The following CHD9 variants were observed in gnomAD, a reference collection of about 807,000 sequenced individuals.
CHD9 encodes ATP-dependent chromatin remodeler CHD9.
CHD9 carries 77 observed loss-of-function variants against 316.1 expected under a neutral mutation model. The ratio of observed to expected loss-of-function variants is 0.24; its 90% CI spans 0.20 to 0.29. The LOEUF (loss-of-function observed/expected upper bound fraction) is 0.29. Ranked by LOEUF, CHD9 falls within the 10% of genes least tolerant of loss-of-function variation. The pLI, the probability that CHD9 is intolerant of heterozygous loss-of-function variation, is 1.00. For missense variants in CHD9, 2,763 were observed against 3,438.1 expected (o/e 0.80, Z 4.91); for synonymous variants, 1,129 against 1,158.3 (o/e 0.97, Z 0.51).
At chr16:53,127,346 A>G (rs1182260096) in intron 1 of CHD9, among the ~76,000 whole-genome samples, 4 of 152,232 alleles carry the variant, frequency 2.6e-5, no homozygotes, top group Non-Finnish European at 4.4e-5. Context: ...ACTTGCAGGA[A>G]AACTCCACAA....
chr16:53,154,374 A>G (rs182970356), intron 1 of CHD9, among the ~76,000 whole-genome samples: 19 of 152,320 alleles, frequency 1.2e-4, no homozygotes, highest in Non-Finnish European at 2.5e-4. Context: ...GCAATGTATC[A>G]CTTAATCATT....
intron 2 of CHD9, among the ~76,000 whole-genome samples, chr16:53,167,352 T>G (rs1366575852): frequency 2.0e-5 from 3 of 152,164 alleles, no homozygotes; most frequent in African/African-American, 7.2e-5. Flanking sequence ...TGTTCAGTAT[T>G]TATTAGATGT....
chr16:53,194,274 T>C (rs2044709857), intron 2 of CHD9, among the ~76,000 whole-genome samples: 1 of 150,856 alleles, frequency 6.6e-6, no homozygotes. Context: ...TCAGCATCAC[T>C]AGAATATAAA....
intron 1 of CHD9, among the ~76,000 whole-genome samples, chr16:53,100,967 T>A (rs902539026): frequency 1.3e-5 from 2 of 152,232 alleles, no homozygotes; most frequent in African/African-American, 4.8e-5. Flanking sequence ...ATATTTTCTC[T>A]AGATGGCTAT....
At chr16:53,132,108 G>C (rs1356158222) in intron 1 of CHD9, among the ~76,000 whole-genome samples, 1 of 151,948 alleles carries the variant, frequency 6.6e-6, no homozygotes, top group Non-Finnish European at 1.5e-5. Flanking sequence ...TTTTTTTTGG[G>C]GGGGGTGGTT....
intron 2 of CHD9, among the ~76,000 whole-genome samples, chr16:53,204,761 G>T (rs981650900): frequency 6.6e-6 from 1 of 151,848 alleles, no homozygotes; most frequent in African/African-American, 2.4e-5. Context: ...ATCATCTCTT[G>T]TACTATAGGT....
In CHD9 at chr16:53,307,891, A is replaced by G. The variant is rs61747411; in HGVS notation, c.6991A>G (p.Thr2331Ala). The G allele has an allele frequency of 0.035, 56,869 of 1,613,570 alleles. 1,230 individuals carry two copies. The highest frequency in any genetic ancestry group is 0.04 in the Non-Finnish European group (47,300 of 1,179,678). ...TGTTAAAGAAGAACATGATCAGTCAACACAGATGTCAAAGGTGAAGAAGCA... is the reference window on the plus strand; with the variant it reads ...TGTTAAAGAAGAACATGATCAGTCAGCACAGATGTCAAAGGTGAAGAAGCA... ...AGVKEEHDQS[T>A]QMSKVKKHVR... Residue 2331 changes from threonine to alanine, a missense_variant, in exon 33 of 39, where the codon ACA becomes GCA. Around this residue, in one of 15 missense-constraint regions of CHD9, gnomAD observed 663 missense variants for 751.2 expected, o/e 0.88. Coordinates refer to ENST00000447540, the MANE Select transcript of CHD9 (RefSeq NM_001308319.2).
intron 1 of CHD9, among the ~76,000 whole-genome samples, chr16:53,130,381 A>G (rs2152677333): frequency 6.6e-6 from 1 of 152,026 alleles, no homozygotes; most frequent in Non-Finnish European, 1.5e-5. Context: ...GAGCTGCCCG[A>G]GAGATGCCCT....
At chr16:53,233,625 C>T (rs2048368011) in intron 10 of CHD9, among the ~76,000 whole-genome samples, 2 of 152,092 alleles carry the variant, frequency 1.3e-5, no homozygotes, top group African/African-American at 2.4e-5. Context: ...CTCCTCCCCT[C>T]CTTCCTTTCT....
chr16:53,208,289 A>G (rs1180192978), intron 2 of CHD9: 23 of 1,272,650 alleles, frequency 1.8e-5, no homozygotes, highest in Admixed American at 2.4e-5. Flanking sequence ...GTGAAAAAGC[A>G]GAGGGCAAGC....
intron 1 of CHD9, among the ~76,000 whole-genome samples, chr16:53,094,373 C>A (rs1180899562): frequency 3.9e-5 from 6 of 152,134 alleles, no homozygotes; most frequent in Admixed American, 3.9e-4. Flanking sequence ...GGAGAGGACA[C>A]CAAGGGCCAG....
chr16:53,193,044 A>G (rs1183929028), intron 2 of CHD9, among the ~76,000 whole-genome samples: 1 of 152,138 alleles, frequency 6.6e-6, no homozygotes. Flanking sequence ...TTATAAAAAA[A>G]TACTAAACTG....
chr16:53,111,047 G>A (rs1189395513), intron 1 of CHD9, among the ~76,000 whole-genome samples: 1 of 152,176 alleles, frequency 6.6e-6, no homozygotes, highest in Non-Finnish European at 1.5e-5. Flanking sequence ...AGATTATTGT[G>A]GAGTAATGTC....
At chr16:53,068,586 C>T (rs1031710599) in intron 1 of CHD9, among the ~76,000 whole-genome samples, 7 of 152,204 alleles carry the variant, frequency 4.6e-5, no homozygotes, top group African/African-American at 1.4e-4. Flanking sequence ...GAAGTCCTCT[C>T]TCCTCCTGGG....
At chr16:53,195,597 T>C (rs1170457701) in intron 2 of CHD9, among the ~76,000 whole-genome samples, 1 of 152,074 alleles carries the variant, frequency 6.6e-6, no homozygotes, top group Non-Finnish European at 1.5e-5. Flanking sequence ...ACTGTAGAAC[T>C]CCAGCAGCTT....
chr16:53,146,390 C>CA lies in CHD9; in HGVS notation c.-164-9524dup, dbSNP rs1242411399. On this transcript the variant is annotated intron_variant, in intron 1 of 38. Transcript: ENST00000447540. ...GCTGGGTGACAGTGAGACTCTGTCT[C>CA]AAAAAAAAAAAATTGTGTGTGTGTG... Among the ~76,000 whole-genome samples the CA allele has an allele frequency of 2.9e-3, 153 of 52,010 alleles. 1 individual carries two copies. Among genetic ancestry groups the CA allele is most frequent in the South Asian group, 5.1e-3 (9 of 1,774 alleles). 34.1% of individuals were successfully genotyped at this position (52,010 alleles called of 152,430 possible).
intron 12 of CHD9, 124 bp from the exon 13 acceptor site, chr16:53,242,716 G>A (rs999437376): frequency 1.3e-6 from 1 of 768,852 alleles, no homozygotes; most frequent in Non-Finnish European, 2.2e-6. Context: ...GTAAGGGAGT[G>A]TCTGCATATG....
intron 1 of CHD9, among the ~76,000 whole-genome samples, chr16:53,152,035 T>A (rs531290083): frequency 1.6e-4 from 24 of 152,104 alleles, no homozygotes; most frequent in Non-Finnish European, 3.1e-4. Flanking sequence ...TGTGTGCATA[T>A]GTGTGTGAGA....
At position 53,156,050 on chromosome 16, in the gene CHD9, A is replaced by G. The variant is rs2041499487; in HGVS notation, c.-40A>G. On this transcript the variant is annotated 5_prime_UTR_variant, in exon 2 of 39. Coordinates refer to ENST00000447540, the MANE Select transcript of CHD9 (RefSeq NM_001308319.2). ...ACTATAGAGAAGCTGAATATACTCC[A>G]TTTGGAGTGAACAGCCCGGATTGTT... 6.4e-7 allele frequency: 1 copy of G among 1,574,444 alleles called. No individual in the cohort carries two copies. The highest frequency in any genetic ancestry group is 1.8e-5 in the Admixed American group (1 of 55,118).
Sources: allele counts gnomAD v4.1 joint callset (sites outside exome capture counted in the v4.1 genomes callset), GRCh38; gene constraint gnomAD v4.1.1; regional missense constraint gnomAD v4.1.1; transcripts MANE v1.5; gene names NCBI Gene and HGNC (gene_info 2026-07-23, HGNC 2026-07-21).